Variants in RSPO2 observed in about 807,000 individuals in gnomAD.
The protein encoded by RSPO2 is R-spondin-2.
A neutral mutation model predicts 30.9 loss-of-function variants in RSPO2; 14 were observed. That is an observed-to-expected ratio of 0.45 (90% CI 0.30 to 0.71). The LOEUF is 0.71. Ranked by LOEUF, RSPO2 falls within the 30% of genes least tolerant of loss-of-function variation. The pLI, the probability that RSPO2 is intolerant of heterozygous loss-of-function variation, is 0.08. For missense variants in RSPO2, 264 were observed against 301.9 expected, an observed-to-expected ratio of 0.87 and a Z score of 0.93; for synonymous variants, 107 against 96.4, an observed-to-expected ratio of 1.11 and a Z score of -0.64.
chr8:107,904,683 T>G (rs138246492), intron 5 of RSPO2, among the ~76,000 whole-genome samples: 2 of 152,082 alleles, frequency 1.3e-5, no homozygotes, highest in Non-Finnish European at 2.9e-5. Context: ...GTAACTGAGA[T>G]GTCTGGTAAG....
intron 2 of RSPO2, among the ~76,000 whole-genome samples, chr8:108,040,362 G>C (rs1811716605): frequency 6.6e-6 from 1 of 152,034 alleles, no homozygotes; most frequent in African/African-American, 2.4e-5. Flanking sequence ...TTACAGGCTA[G>C]ACTTCAAAAT....
intron 5 of RSPO2, among the ~76,000 whole-genome samples, chr8:107,935,802 G>A (rs28678100): frequency 0.053 from 7,056 of 132,068 alleles, 302 homozygotes; most frequent in African/African-American, 0.11. Flanking sequence ...TTGGCAAATG[G>A]TGCAGACACC....
intron 2 of RSPO2, among the ~76,000 whole-genome samples, chr8:108,039,082 CAACAA>C (rs1393771730): frequency 5.9e-5 from 9 of 152,118 alleles, no homozygotes; most frequent in Admixed American, 3.9e-4. Context: ...GTGTATATGA[CAACAA>C]AACAAACACA....
At chr8:108,012,052 T>C (rs767315283) in intron 2 of RSPO2, among the ~76,000 whole-genome samples, 51 of 152,298 alleles carry the variant, frequency 3.3e-4, no homozygotes, top group Admixed American at 5.2e-4. Context: ...ACAGAATAGG[T>C]GGAAAGAAAA....
chr8:107,921,046 T>C lies in RSPO2; in HGVS notation c.617-19856A>G, dbSNP rs1812150122. On this transcript the variant is annotated intron_variant, in intron 5 of 5. Coordinates refer to ENST00000276659, the MANE Select transcript of RSPO2 (RefSeq NM_178565.5). ...AAAATATTTGAAAGGCAGAAAAGGATGTTAGCACAGATAGTTACTGCAGAT... is the reference window on the plus strand; with the variant it reads ...AAAATATTTGAAAGGCAGAAAAGGACGTTAGCACAGATAGTTACTGCAGAT... Among the ~76,000 whole-genome samples the C allele has an allele frequency of 2.6e-5, 4 of 152,210 alleles. No homozygotes were observed. The South Asian group carries it at 8.3e-4, about 32-fold the overall frequency.
At chr8:107,952,082 G>C (rs1246711410) in intron 5 of RSPO2, among the ~76,000 whole-genome samples, 3 of 152,078 alleles carry the variant, frequency 2.0e-5, no homozygotes, top group African/African-American at 4.8e-5. Flanking sequence ...AGTGAGGGTG[G>C]GCTGGGGAGA....
intron 5 of RSPO2, 74 bp downstream of exon 5, chr8:107,958,006 G>A: frequency 1.0e-6 from 1 of 981,380 alleles, no homozygotes; most frequent in Non-Finnish European, 1.5e-6. Context: ...CTTATTTTTG[G>A]AAGGGAAGGT....
intron 3 of RSPO2, among the ~76,000 whole-genome samples, chr8:107,976,855 A>G (rs889103865): frequency 6.6e-5 from 10 of 152,228 alleles, no homozygotes; most frequent in Non-Finnish European, 1.5e-4. Flanking sequence ...CTATTCATGT[A>G]GAAGCTATAG....
At chr8:107,925,965 C>T (rs1227033892) in intron 5 of RSPO2, among the ~76,000 whole-genome samples, 4 of 152,090 alleles carry the variant, frequency 2.6e-5, no homozygotes, top group Non-Finnish European at 4.4e-5. Flanking sequence ...TTCTAGATCC[C>T]TGAGGAATCA....
At chr8:108,008,272 A>G (rs962702634) in intron 2 of RSPO2, among the ~76,000 whole-genome samples, 3 of 152,182 alleles carry the variant, frequency 2.0e-5, no homozygotes, top group Non-Finnish European at 4.4e-5. Context: ...TCTAATAATC[A>G]GATGGCATGG....
At chr8:107,937,805 C>G (rs1172917781) in intron 5 of RSPO2, among the ~76,000 whole-genome samples, 2 of 152,042 alleles carry the variant, frequency 1.3e-5, no homozygotes, top group Non-Finnish European at 2.9e-5. Context: ...TAAAGTTACT[C>G]TCACCAAAAT....
chr8:108,055,208 C>A (rs527814670), intron 2 of RSPO2, among the ~76,000 whole-genome samples: 1 of 152,114 alleles, frequency 6.6e-6, no homozygotes, highest in African/African-American at 2.4e-5. Context: ...GTGAAAAACA[C>A]GAGTAAAGAG....
chr8:108,059,267 G>T (rs1171883060), intron 2 of RSPO2, among the ~76,000 whole-genome samples: 1 of 151,828 alleles, frequency 6.6e-6, no homozygotes, highest in Non-Finnish European at 1.5e-5. Flanking sequence ...ACCATCACTG[G>T]CCATCAGAGA....
intron 3 of RSPO2, among the ~76,000 whole-genome samples, chr8:107,977,712 CTGTT>C (rs1814267357): frequency 6.6e-6 from 1 of 152,064 alleles, no homozygotes; most frequent in Non-Finnish European, 1.5e-5. Context: ...ATATGGCCCT[CTGTT>C]TGAAGGACTA....
intron 2 of RSPO2, among the ~76,000 whole-genome samples, chr8:107,996,524 A>G (rs1815030860): frequency 1.3e-5 from 2 of 152,210 alleles, no homozygotes; most frequent in Admixed American, 1.3e-4. Context: ...ATCTAGCTTT[A>G]TAAATAAAAG....
intron 2 of RSPO2, among the ~76,000 whole-genome samples, chr8:108,021,422 T>C (rs578031140): frequency 1.3e-5 from 2 of 152,308 alleles, no homozygotes; most frequent in East Asian, 3.9e-4. Context: ...AGGAATTTAG[T>C]ATAGTAGTCC....
chr8:107,982,486 T>C (rs1056081016), intron 3 of RSPO2, among the ~76,000 whole-genome samples: 1 of 152,224 alleles, frequency 6.6e-6, no homozygotes, highest in Non-Finnish European at 1.5e-5. Flanking sequence ...CATTATTTTT[T>C]GTCTTTCCTC....
chr8:108,002,770 T>G (rs1815293183), intron 2 of RSPO2, among the ~76,000 whole-genome samples: 1 of 152,250 alleles, frequency 6.6e-6, no homozygotes, highest in African/African-American at 2.4e-5. Context: ...GAAACTTCCA[T>G]GGGTTTTACC....
chr8:108,067,170 A>C (rs1812698287), intron 2 of RSPO2, among the ~76,000 whole-genome samples: 1 of 152,226 alleles, frequency 6.6e-6, no homozygotes, highest in African/African-American at 2.4e-5. Context: ...AGAATCAAAG[A>C]AACTTTAGGT....
Sources: gnomAD v4.1 joint callset for allele counts (sites outside exome capture counted in the v4.1 genomes callset) on GRCh38, gnomAD v4.1.1 for gene constraint, MANE v1.5 for transcripts, NCBI Gene and HGNC (gene_info 2026-07-23, HGNC 2026-07-21) for gene names.